EPM2A: variants seen among roughly 807,000 people sequenced by gnomAD.
The protein encoded by EPM2A is EPM2A glucan phosphatase, laforin.
In EPM2A, 21 loss-of-function variants were observed where a neutral mutation model predicts 26.5. That is an observed-to-expected ratio of 0.79 (90% CI 0.56 to 1.14). EPM2A has a LOEUF of 1.14. Among genes scored for constraint, EPM2A ranks in the 50% most tolerant of loss-of-function variants. EPM2A has a pLI of 0.00. For synonymous variants in EPM2A, 217 were observed against 177.6 expected (o/e 1.22, Z -1.76); for missense variants, 458 against 440.8 (o/e 1.04, Z -0.35).
chr6:145,445,617 C>T (rs1779119622), intron 4 of EPM2A, among the ~76,000 whole-genome samples: 1 of 152,138 alleles, frequency 6.6e-6, no homozygotes, highest in African/African-American at 2.4e-5. Context: ...GGGCTGCTAG[C>T]CTTTGGTTAA....
intron 4 of EPM2A, among the ~76,000 whole-genome samples, chr6:145,390,905 C>T (rs888784556): frequency 6.6e-6 from 1 of 152,108 alleles, no homozygotes; most frequent in Non-Finnish European, 1.5e-5. Context: ...GAAAGAGATT[C>T]GTTCAACCTG....
At chr6:145,486,929 A>G (rs1779685571) in intron 4 of EPM2A, among the ~76,000 whole-genome samples, 1 of 152,026 alleles carries the variant, frequency 6.6e-6, no homozygotes, top group Admixed American at 6.6e-5. Context: ...TGTTTTACAG[A>G]TTATTTCATC....
chr6:145,584,830 G>T (rs1273249190), intron 2 of EPM2A, among the ~76,000 whole-genome samples: 1 of 152,158 alleles, frequency 6.6e-6, no homozygotes, highest in African/African-American at 2.4e-5. Flanking sequence ...TCCCTCTGAA[G>T]ATCTGCTAGG....
Position 145,626,982 on chromosome 6 carries a change from G to C in EPM2A, c.*434C>G. 2 of 1,049,496 alleles carry C rather than the reference G, an allele frequency of 1.9e-6. No homozygotes were observed. The highest frequency in any genetic ancestry group is 2.3e-6 in the Non-Finnish European group (2 of 868,216). 65.0% of individuals were successfully genotyped at this position (1,049,496 alleles called of 1,614,324 possible). On this transcript the variant is annotated 3_prime_UTR_variant, in exon 4 of 4. Coordinates refer to ENST00000367519, the MANE Select transcript of EPM2A (RefSeq NM_005670.4). ...AACCTTATTTCCTCCTTTGGCAACT[G>C]ACCAGCTCACGCACACATACTAGTG... is the stretch of plus-strand genomic sequence containing the variant.
intron 4 of EPM2A, among the ~76,000 whole-genome samples, chr6:145,417,574 T>G (rs1056973379): frequency 6.2e-4 from 95 of 152,156 alleles, no homozygotes; most frequent in African/African-American, 2.0e-3. Flanking sequence ...TAGCTGAAGC[T>G]CCAATATAAT....
Position 145,655,152 on chromosome 6 carries a change from G to T in EPM2A, c.477-19666C>A, listed in dbSNP as rs117517289. Among the ~76,000 whole-genome samples, 617 of 150,530 alleles carry T rather than the reference G, an allele frequency of 4.1e-3. 18 individuals carry two copies. The East Asian group carries it at 0.071, about 17-fold the overall frequency. On this transcript the variant is annotated intron_variant, in intron 2 of 3. Coordinates refer to ENST00000367519, the MANE Select transcript of EPM2A (RefSeq NM_005670.4). The stretch of plus-strand genomic sequence containing the variant: ...AAATCTAGACTTTTCTAAGTTCCAG[G>T]ATCCTGGTATTTCAAACAGTGTGAT...
At chr6:145,516,256 GA>G (rs1780124832) in intron 2 of EPM2A, among the ~76,000 whole-genome samples, 1 of 152,160 alleles carries the variant, frequency 6.6e-6, no homozygotes, top group Non-Finnish European at 1.5e-5. Flanking sequence ...ATCAGGTGAT[GA>G]CTGCAATTGT....
chr6:145,491,235 G>T (rs375873), intron 4 of EPM2A: 195,988 of 384,256 alleles, frequency 0.51, 51,328 homozygotes, highest in African/African-American at 0.67. Flanking sequence ...GGTGTGCAGG[G>T]GCTGGGGCTA....
intron 1 of EPM2A, among the ~76,000 whole-genome samples, chr6:145,705,253 A>T (rs1460000199): frequency 6.6e-6 from 1 of 152,212 alleles, no homozygotes; most frequent in African/African-American, 2.4e-5. Context: ...GTTCAAGACC[A>T]GCCTGGGCAA....
rs199850277 is a variant in EPM2A, at chr6:145,612,947, C to CA, written c.340+22297dup. ...CTGCTGAATGTTGGGCTGGCTGTGG[C>CA]AATTTCATAAAATAAGACAATAATG... is the stretch of plus-strand genomic sequence containing the variant. On this transcript the variant is annotated intron_variant, in intron 2 of 3. Coordinates refer to the EPM2A transcript ENST00000450221. Among the ~76,000 whole-genome samples the CA allele has an allele frequency of 4.6e-3, 698 of 151,942 alleles. 25 individuals are homozygous for CA. In the East Asian group the frequency reaches 0.084, roughly 18 times the overall value.
At chr6:145,430,214 C>T (rs530599912) in intron 4 of EPM2A, among the ~76,000 whole-genome samples, 6 of 151,108 alleles carry the variant, frequency 4.0e-5, no homozygotes, top group Non-Finnish European at 8.9e-5. Flanking sequence ...TAAAAATAAA[C>T]GATGTTCAAA....
At chr6:145,405,789 A>C (rs1391171804) in intron 4 of EPM2A, among the ~76,000 whole-genome samples, 1 of 152,166 alleles carries the variant, frequency 6.6e-6, no homozygotes, top group Non-Finnish European at 1.5e-5. Flanking sequence ...AAACTGTTGA[A>C]TAGCTGTTTT....
chr6:145,424,478 T>C (rs966822406), intron 4 of EPM2A, among the ~76,000 whole-genome samples: 2 of 152,112 alleles, frequency 1.3e-5, no homozygotes, highest in Admixed American at 6.5e-5. Context: ...GAAGTGTAAA[T>C]GATGAGTGTA....
At position 145,734,853 on chromosome 6, in the gene EPM2A, C is replaced by A. The variant is rs371086805; in HGVS notation, c.301+345G>T. 60 of 160,890 alleles carry A rather than the reference C, an allele frequency of 3.7e-4. No homozygotes were observed. In the East Asian group the frequency reaches 9.0e-3, roughly 24 times the overall value. 10.0% of individuals were successfully genotyped at this position (160,890 alleles called of 1,614,324 possible). The stretch of plus-strand genomic sequence containing the variant: ...GGCGAAGGGAGCCCCGGGCGGGAGA[C>A]GAAGGGCACTGGCCCGTGACGCAGG... On this transcript the variant is annotated intron_variant, in intron 1 of 3. Coordinates refer to ENST00000367519, the MANE Select transcript of EPM2A (RefSeq NM_005670.4).
intron 1 of EPM2A, among the ~76,000 whole-genome samples, chr6:145,704,868 T>C (rs1190772487): frequency 6.6e-6 from 1 of 152,246 alleles, no homozygotes; most frequent in African/African-American, 2.4e-5. Flanking sequence ...ATAAGATAGA[T>C]GTGTCTGTTT....
intron 3 of EPM2A, chr6:145,629,525 A>T (rs2128557573): frequency 6.6e-6 from 1 of 152,308 alleles, no homozygotes; most frequent in East Asian, 1.9e-4. Flanking sequence ...CAGATCCACT[A>T]TTTGCGCTGG....
At chr6:145,714,419 G>A (rs1562515044) in intron 1 of EPM2A, among the ~76,000 whole-genome samples, 2 of 152,094 alleles carry the variant, frequency 1.3e-5, no homozygotes, top group South Asian at 4.1e-4. Flanking sequence ...ATAAATAAGG[G>A]TGGAGTTTCT....
At chr6:145,482,654 G>A (rs1444633758) in intron 4 of EPM2A, among the ~76,000 whole-genome samples, 4 of 151,978 alleles carry the variant, frequency 2.6e-5, no homozygotes, top group African/African-American at 9.7e-5. Context: ...AGAAGCCTTT[G>A]TTCAGAAAAA....
At chr6:145,594,447 C>T (rs1205523142) in intron 2 of EPM2A, among the ~76,000 whole-genome samples, 1 of 151,758 alleles carries the variant, frequency 6.6e-6, no homozygotes, top group East Asian at 1.9e-4. Context: ...CTTCCTAACT[C>T]ATTCTAAGAT....
Sources: gnomAD v4.1 joint callset for allele counts (sites outside exome capture counted in the v4.1 genomes callset) on GRCh38, gnomAD v4.1.1 for gene constraint, MANE v1.5 for transcripts, NCBI Gene and HGNC (gene_info 2026-07-23, HGNC 2026-07-21) for gene names.